The following DCDC1 variants were observed in gnomAD, a reference collection of about 807,000 sequenced individuals.
DCDC1 encodes doublecortin domain-containing protein 1.
In DCDC1, 200 loss-of-function variants were observed where a neutral mutation model predicts 178.3. The ratio of observed to expected loss-of-function variants is 1.12; its 90% CI spans 1.00 to 1.26. The LOEUF (loss-of-function observed/expected upper bound fraction) is 1.26, where lower values mean the gene tolerates loss of function less well. Ranked by LOEUF, DCDC1 falls within the 50% of genes most tolerant of loss-of-function variation. The pLI, the probability that DCDC1 is intolerant of heterozygous loss-of-function variation, is 0.00. For synonymous variants in DCDC1, 690 were observed against 604.8 expected (o/e 1.14, Z -2.07); for missense variants, 1,983 against 1,749.2 (o/e 1.13, Z -2.38).
intron 20 of DCDC1, among the ~76,000 whole-genome samples, chr11:31,030,413 G>A (rs767315944): frequency 1.8e-4 from 27 of 151,990 alleles, no homozygotes; most frequent in Admixed American, 7.9e-4. Context: ...AGCTATTAGC[G>A]TGTGGGGGTG....
chr11:30,884,107 A>AATGAAGCC (rs1942954935), intron 36 of DCDC1, among the ~76,000 whole-genome samples: 1 of 135,706 alleles, frequency 7.4e-6, no homozygotes, highest in Non-Finnish European at 1.5e-5. Flanking sequence ...CAGGGTTTGT[A>AATGAAGCC]ATGAAGCCTC....
intron 32 of DCDC1, among the ~76,000 whole-genome samples, chr11:30,902,819 C>T (rs1228467384): frequency 6.6e-6 from 1 of 152,140 alleles, no homozygotes; most frequent in Admixed American, 6.6e-5. Flanking sequence ...ACTACTGAAT[C>T]ACTACTACCA....
Position 30,978,608 on chromosome 11 carries a change from T to A in DCDC1, c.2592-26040A>T, listed in dbSNP as rs535113343. ...ATCCATTACCTCAAGTGTTTATCAT[T>A]TCTATGTGTTGATAACATTTCAAGT... On this transcript the variant is annotated intron_variant, in intron 20 of 38. Transcript: ENST00000684477. Among the ~76,000 whole-genome samples the A allele has an allele frequency of 5.3e-4, 81 of 152,270 alleles. 1 individual carries two copies. Among genetic ancestry groups the A allele is most frequent in the African/African-American group, 1.8e-3 (75 of 41,538 alleles).
intron 20 of DCDC1, among the ~76,000 whole-genome samples, chr11:30,961,634 T>C (rs1355659744): frequency 6.6e-6 from 1 of 152,042 alleles, no homozygotes; most frequent in Non-Finnish European, 1.5e-5. Context: ...AATGGTATGT[T>C]TCCGTAGAAA....
rs932546951 is a variant in DCDC1, at chr11:31,307,624, A to G, written c.434+15T>C. ...CAACAATAGGTTAAAAAGAACAGAGAACAGCTTTGATTACCTCAGTTGACC... is the reference window on the plus strand; with the variant it reads ...CAACAATAGGTTAAAAAGAACAGAGGACAGCTTTGATTACCTCAGTTGACC... On this transcript the variant is annotated intron_variant, in intron 4 of 38. Transcript: ENST00000684477. The G allele has an allele frequency of 6.2e-7, 1 of 1,613,092 alleles. No homozygotes were observed. The highest frequency in any genetic ancestry group is 1.3e-5 in the African/African-American group (1 of 75,028).
intron 18 of DCDC1, among the ~76,000 whole-genome samples, chr11:31,065,909 G>A (rs11031275): frequency 0.04 from 6,140 of 152,166 alleles, 184 homozygotes; most frequent in South Asian, 0.098. Context: ...GAACAAGTGT[G>A]TGTCATTGTC....
chr11:31,048,810 T>C (rs1330601506), intron 20 of DCDC1, among the ~76,000 whole-genome samples: 3 of 152,130 alleles, frequency 2.0e-5, no homozygotes, highest in Admixed American at 6.5e-5. Flanking sequence ...TCCGCTGAGA[T>C]TGCGCCACTG....
At chr11:31,286,690 C>G (rs748782222) in intron 7 of DCDC1, among the ~76,000 whole-genome samples, 2 of 151,846 alleles carry the variant, frequency 1.3e-5, no homozygotes, top group African/African-American at 2.4e-5. Context: ...CCCAAAAAGG[C>G]TCATAAATTT....
intron 18 of DCDC1, among the ~76,000 whole-genome samples, chr11:31,067,919 G>A (rs562237912): frequency 3.3e-5 from 5 of 152,206 alleles, no homozygotes; most frequent in South Asian, 2.1e-4. Flanking sequence ...TAGGGAGAAC[G>A]AAAATGTTTT....
intron 7 of DCDC1, among the ~76,000 whole-genome samples, chr11:31,289,920 T>C (rs578078988): frequency 6.6e-6 from 1 of 152,146 alleles, no homozygotes; most frequent in Admixed American, 6.6e-5. Context: ...CTCTCATACA[T>C]TCTTAACACA....
chr11:31,100,649 C>A (rs1427361109), intron 15 of DCDC1, among the ~76,000 whole-genome samples: 1 of 152,118 alleles, frequency 6.6e-6, no homozygotes, highest in East Asian at 1.9e-4. Flanking sequence ...TGTTCTGGTG[C>A]ACAATTGATT....
chr11:31,259,161 G>T (rs971302605), intron 8 of DCDC1, among the ~76,000 whole-genome samples: 1 of 151,948 alleles, frequency 6.6e-6, no homozygotes, highest in African/African-American at 2.4e-5. Flanking sequence ...GACCAACCTG[G>T]CCAACATGGT....
chr11:31,255,459 A>T (rs1944349165), intron 8 of DCDC1, among the ~76,000 whole-genome samples: 1 of 151,772 alleles, frequency 6.6e-6, no homozygotes, highest in Non-Finnish European at 1.5e-5. Flanking sequence ...ATCCTCAACA[A>T]CACTTGTTAT....
chr11:31,137,375 G>A (rs1376924002), intron 10 of DCDC1, among the ~76,000 whole-genome samples: 1 of 134,340 alleles, frequency 7.4e-6, no homozygotes, highest in Non-Finnish European at 1.6e-5. Flanking sequence ...TTTTTTTTAC[G>A]GAGTCTCGCT....
At chr11:31,256,065 T>C (rs566244747) in intron 8 of DCDC1, among the ~76,000 whole-genome samples, 2 of 152,200 alleles carry the variant, frequency 1.3e-5, no homozygotes, top group Non-Finnish European at 2.9e-5. Flanking sequence ...ACCAGCACCA[T>C]TGATTGAAGA....
At chr11:31,203,661 A>G (rs750032205) in intron 9 of DCDC1, among the ~76,000 whole-genome samples, 1 of 152,198 alleles carries the variant, frequency 6.6e-6, no homozygotes, top group Non-Finnish European at 1.5e-5. Context: ...CTCCTTCCAC[A>G]AAAGATACCT....
At chr11:31,329,422 C>A (rs1444073382) in intron 2 of DCDC1, among the ~76,000 whole-genome samples, 1 of 151,970 alleles carries the variant, frequency 6.6e-6, no homozygotes, top group Non-Finnish European at 1.5e-5. Context: ...ACTTTAAGTT[C>A]CAGGGTACAT....
intron 34 of DCDC1, among the ~76,000 whole-genome samples, chr11:30,895,314 G>C (rs1944112048): frequency 6.6e-6 from 1 of 152,148 alleles, no homozygotes. Flanking sequence ...ACCAATAATG[G>C]ATTGCAATTG....
intron 9 of DCDC1, among the ~76,000 whole-genome samples, chr11:31,230,516 G>C (rs1975633915): frequency 6.6e-6 from 1 of 152,128 alleles, no homozygotes; most frequent in Non-Finnish European, 1.5e-5. Context: ...GCAGTGTCCA[G>C]GGTGCACTCC....
Sources: allele counts gnomAD v4.1 joint callset (sites outside exome capture counted in the v4.1 genomes callset), GRCh38; gene constraint gnomAD v4.1.1; transcripts MANE v1.5; gene names NCBI Gene and HGNC (gene_info 2026-07-23, HGNC 2026-07-21).